Variants in PLCL1 observed in about 807,000 individuals in gnomAD.
PLCL1 encodes inactive phospholipase C-like protein 1.
Under a neutral mutation model 84.4 loss-of-function variants are expected in PLCL1, and 41 were observed. The observed-to-expected ratio is 0.49, with a 90% CI of 0.38 to 0.63. PLCL1 has a LOEUF of 0.63. Among genes scored for constraint, PLCL1 ranks in the 30% least tolerant of loss-of-function variants. PLCL1 has a pLI of 0.00. For synonymous variants in PLCL1, 490 were observed against 488.3 expected (o/e 1.00, Z -0.05); for missense variants, 1,206 against 1,367.8 (o/e 0.88, Z 1.87).
At position 197,921,468 on chromosome 2, in the gene PLCL1, T is replaced by G. The variant is rs76840066; in HGVS notation, c.240+116129T>G. On this transcript the variant is annotated intron_variant, in intron 1 of 5. Coordinates refer to ENST00000428675, the MANE Select transcript of PLCL1 (RefSeq NM_006226.4). Reference sequence around the variant, plus strand: ...GATTATAAATATTGGCGTGGAAAAATGTCCTCATACTTAATTCAGGCGGAT... The same window carrying G: ...GATTATAAATATTGGCGTGGAAAAAGGTCCTCATACTTAATTCAGGCGGAT... Among the ~76,000 whole-genome samples, 319 of 152,246 alleles carry G rather than the reference T, an allele frequency of 2.1e-3. 1 individual carries two copies. Among genetic ancestry groups the G allele is most frequent in the African/African-American group, 7.0e-3 (292 of 41,540 alleles).
intron 5 of PLCL1, among the ~76,000 whole-genome samples, chr2:198,144,009 G>A (rs1459096312): frequency 6.6e-6 from 1 of 151,934 alleles, no homozygotes; most frequent in East Asian, 1.9e-4. Context: ...CCTCCCATTG[G>A]CCATTGTTTT....
chr2:197,813,706 C>T (rs1182755293), intron 1 of PLCL1, among the ~76,000 whole-genome samples: 3 of 152,042 alleles, frequency 2.0e-5, no homozygotes, highest in Non-Finnish European at 4.4e-5. Flanking sequence ...TCACAATAAC[C>T]ATATGATATG....
intron 1 of PLCL1, among the ~76,000 whole-genome samples, chr2:197,864,011 G>C (rs192756013): frequency 6.6e-6 from 1 of 152,108 alleles, no homozygotes; most frequent in Non-Finnish European, 1.5e-5. Flanking sequence ...TTTTCTAGCA[G>C]AGTATTTAGT....
intron 1 of PLCL1, among the ~76,000 whole-genome samples, chr2:197,933,631 G>A (rs1688993264): frequency 6.6e-6 from 1 of 152,052 alleles, no homozygotes; most frequent in African/African-American, 2.4e-5. Context: ...TATTTGTTCT[G>A]GTTCATTATC....
intron 1 of PLCL1, among the ~76,000 whole-genome samples, chr2:197,920,390 G>T (rs1688679980): frequency 6.6e-6 from 1 of 151,880 alleles, no homozygotes; most frequent in Non-Finnish European, 1.5e-5. Flanking sequence ...GCAGAGGACA[G>T]AGTGCCTGAG....
intron 1 of PLCL1, among the ~76,000 whole-genome samples, chr2:197,906,449 G>T (rs1194835451): frequency 6.6e-6 from 1 of 151,984 alleles, no homozygotes; most frequent in East Asian, 1.9e-4. Flanking sequence ...GTACTATGCT[G>T]TTGTGGTTCC....
At chr2:197,985,881 T>G (rs1690209273) in intron 1 of PLCL1, among the ~76,000 whole-genome samples, 1 of 152,228 alleles carries the variant, frequency 6.6e-6, no homozygotes, top group African/African-American at 2.4e-5. Context: ...ACTGTAGGAA[T>G]AGACTACAGC....
intron 5 of PLCL1, among the ~76,000 whole-genome samples, chr2:198,121,398 G>A (rs763828476): frequency 2.6e-5 from 4 of 152,034 alleles, no homozygotes; most frequent in Non-Finnish European, 4.4e-5. Context: ...CCAGACAAAT[G>A]TTCTGGAGAG....
At chr2:198,044,544 G>T (rs1242744866) in intron 1 of PLCL1, among the ~76,000 whole-genome samples, 2 of 152,144 alleles carry the variant, frequency 1.3e-5, no homozygotes, top group Non-Finnish European at 2.9e-5. Context: ...TAATGTATAT[G>T]TTATAGTACT....
In PLCL1 at chr2:198,096,565, A is replaced by G. The variant is rs188341972; in HGVS notation, c.2920-4720A>G. Among the ~76,000 whole-genome samples, 1,387 of 152,298 alleles carry G rather than the reference A, an allele frequency of 9.1e-3. 12 individuals carry two copies. The highest frequency in any genetic ancestry group is 0.016 in the Non-Finnish European group (1,059 of 68,020). The stretch of plus-strand genomic sequence containing the variant: ...AGTGGAATAGCTACAGGAGGTTGCA[A>G]CTGTAAGAAATAAGCCCAAAGCATT... On this transcript the variant is annotated intron_variant, in intron 3 of 5. Transcript: ENST00000428675.
At chr2:197,916,469 T>A (rs1688602398) in intron 1 of PLCL1, among the ~76,000 whole-genome samples, 1 of 152,142 alleles carries the variant, frequency 6.6e-6, no homozygotes, top group Non-Finnish European at 1.5e-5. Context: ...CTGATAGTAT[T>A]TACATTTAGG....
chr2:198,038,472 A>C (rs1373296971), intron 1 of PLCL1, among the ~76,000 whole-genome samples: 1 of 152,170 alleles, frequency 6.6e-6, no homozygotes, highest in Non-Finnish European at 1.5e-5. Flanking sequence ...GTTTACTACT[A>C]GTGTATTTTT....
chr2:197,888,560 T>C (rs1687961473), intron 1 of PLCL1, among the ~76,000 whole-genome samples: 1 of 152,184 alleles, frequency 6.6e-6, no homozygotes, highest in Non-Finnish European at 1.5e-5. Context: ...TCCTCAACTA[T>C]AGAGTGAGGA....
chr2:198,112,352 C>T (rs1693642895), intron 5 of PLCL1, among the ~76,000 whole-genome samples: 1 of 151,854 alleles, frequency 6.6e-6, no homozygotes, highest in Admixed American at 6.6e-5. Flanking sequence ...AGACCCAGGA[C>T]CCCTGAGAGC....
At position 198,117,615 on chromosome 2, in the gene PLCL1, T is replaced by G. The variant is rs145634932; in HGVS notation, c.3105+13679T>G. On this transcript the variant is annotated intron_variant, in intron 5 of 5. Transcript: ENST00000428675. ...TTACCTTCCAGATGGCTCTCCACAC[T>G]TACCACACATGTTGCAGGAAACAGG... Among the ~76,000 whole-genome samples, 344 of 151,996 alleles carry G rather than the reference T, an allele frequency of 2.3e-3. 1 individual carries two copies. The highest frequency in any genetic ancestry group is 7.8e-3 in the African/African-American group (323 of 41,526).
intron 1 of PLCL1, among the ~76,000 whole-genome samples, chr2:198,036,166 C>T (rs1385441963): frequency 6.6e-6 from 1 of 152,192 alleles, no homozygotes; most frequent in Non-Finnish European, 1.5e-5. Flanking sequence ...TTCTTTCTGA[C>T]TCCTCCCTAT....
intron 1 of PLCL1, among the ~76,000 whole-genome samples, chr2:198,005,371 C>A (rs1690704631): frequency 6.6e-6 from 1 of 152,260 alleles, no homozygotes; most frequent in Non-Finnish European, 1.5e-5. Flanking sequence ...ATTCACAGAT[C>A]ATGCTCACTC....
chr2:198,061,762 G>T lies in PLCL1; in HGVS notation c.241-21996G>T, dbSNP rs1226879003. The stretch of plus-strand genomic sequence containing the variant: ...TTACAGGCATGTGCCACCACACCTG[G>T]CTAATTTTTTGTATGTTTAGTAGAG... On this transcript the variant is annotated intron_variant, in intron 1 of 5. Coordinates refer to ENST00000428675, the MANE Select transcript of PLCL1 (RefSeq NM_006226.4). Among the ~76,000 whole-genome samples, 3 of 152,066 alleles carry T rather than the reference G, an allele frequency of 2.0e-5. No homozygotes were observed. The East Asian group carries it at 5.8e-4, about 29-fold the overall frequency.
At position 198,082,750 on chromosome 2, in the gene PLCL1, C is replaced by T. The variant is rs138785463; in HGVS notation, c.241-1008C>T. Among the ~76,000 whole-genome samples, 104 of 152,282 alleles carry T rather than the reference C, an allele frequency of 6.8e-4. 3 individuals carry two copies. The South Asian group carries it at 0.013, about 20-fold the overall frequency. On this transcript the variant is annotated intron_variant, in intron 1 of 5. Transcript: ENST00000428675. ...CCAAGACTGAAATGAAATCTATCATCTCATGAGTATTCAGGGGACTGGAAC... is the reference window on the plus strand; with the variant it reads ...CCAAGACTGAAATGAAATCTATCATTTCATGAGTATTCAGGGGACTGGAAC...
Sources: gnomAD v4.1 joint callset for allele counts (sites outside exome capture counted in the v4.1 genomes callset) on GRCh38, gnomAD v4.1.1 for gene constraint, MANE v1.5 for transcripts, NCBI Gene and HGNC (gene_info 2026-07-23, HGNC 2026-07-21) for gene names.